The following ERCC6L2 variants were observed in gnomAD, a reference collection of about 807,000 sequenced individuals.
ERCC6L2 encodes the protein DNA excision repair protein ERCC-6-like 2.
Under a neutral mutation model 132.0 loss-of-function variants are expected in ERCC6L2, and 77 were observed. That is an observed-to-expected ratio of 0.58 (90% CI 0.49 to 0.71). ERCC6L2 has a LOEUF of 0.71. Among genes scored for constraint, ERCC6L2 ranks in the 30% least tolerant of loss-of-function variants. The probability of loss-of-function intolerance (pLI) is 0.00; values close to 1 mark genes in which losing one functional copy is unlikely to be tolerated. For synonymous variants in ERCC6L2, 583 were observed against 632.4 expected (o/e 0.92, Z 1.17); for missense variants, 1,542 against 1,837.6 (o/e 0.84, Z 2.94).
chr9:95,937,210 A>T (rs1677809297), intron 11 of ERCC6L2, among the ~76,000 whole-genome samples: 1 of 152,206 alleles, frequency 6.6e-6, no homozygotes, highest in Non-Finnish European at 1.5e-5. Flanking sequence ...CTGTTAACAA[A>T]GTGGCTATAT....
At chr9:96,038,171 GT>G (rs1834541108) in intron 19 of ERCC6L2, among the ~76,000 whole-genome samples, 1 of 152,082 alleles carries the variant, frequency 6.6e-6, no homozygotes, top group African/African-American at 2.4e-5. Flanking sequence ...TTATTATTTT[GT>G]TTTAGCTTTT....
At chr9:95,928,032 A>T (rs1700437083) in intron 9 of ERCC6L2, 47 bp from the exon 10 acceptor site, 3 of 1,271,666 alleles carry the variant, frequency 2.4e-6, no homozygotes, top group Non-Finnish European at 3.4e-6. Flanking sequence ...TATAAAGTGT[A>T]CTTTTAGTTG....
chr9:96,038,358 G>T (rs1240814820), intron 19 of ERCC6L2, among the ~76,000 whole-genome samples: 1 of 152,160 alleles, frequency 6.6e-6, no homozygotes, highest in Non-Finnish European at 1.5e-5. Flanking sequence ...GAAGTATGTG[G>T]GAAGACAGTC....
intron 12 of ERCC6L2, among the ~76,000 whole-genome samples, chr9:95,951,782 A>G (rs1446554496): frequency 6.6e-6 from 1 of 152,188 alleles, no homozygotes; most frequent in Non-Finnish European, 1.5e-5. Context: ...ATAACTGTGT[A>G]AGGAGATTGA....
intron 2 of ERCC6L2, 149 bp downstream of exon 2, chr9:95,881,442 T>A: frequency 1.9e-6 from 1 of 514,626 alleles, no homozygotes; most frequent in Non-Finnish European, 3.2e-6. Context: ...GATAGTGAAG[T>A]CCTCAAAGTT....
intron 3 of ERCC6L2, among the ~76,000 whole-genome samples, chr9:95,903,684 A>AG (rs764925614): frequency 1.5e-4 from 23 of 152,146 alleles, no homozygotes; most frequent in Non-Finnish European, 2.4e-4. Context: ...GAAGCCATAC[A>AG]TGTCAGTGCT....
chr9:96,010,471 T>C (rs1290227555), intron 18 of ERCC6L2, among the ~76,000 whole-genome samples: 4 of 152,210 alleles, frequency 2.6e-5, no homozygotes, highest in Non-Finnish European at 5.9e-5. Context: ...TAGGATAAAA[T>C]TCAAACTTCT....
chr9:95,974,722 T>TTTTGTGTGTG (rs1554756061), intron 16 of ERCC6L2, among the ~76,000 whole-genome samples: 1 of 149,702 alleles, frequency 6.7e-6, no homozygotes, highest in African/African-American at 2.5e-5. Flanking sequence ...GTGGCCAGAT[T>TTTTGTGTGTG]TGTGTGTGTG....
rs1000038914 is a variant in ERCC6L2, at chr9:95,922,314, C to T, written c.1309C>T (p.His437Tyr). Residue 437 changes from histidine (H) to tyrosine (Y), a missense_variant, in exon 8 of 19, where the codon CAT becomes TAT. Transcript: ENST00000653738. The part of the protein sequence containing the change: ...RRNCCYKTNS[H>Y]GETVKTLYLS... Reference sequence around the variant, plus strand: ...ATTTTTCTGGTTACAGACCAATTCTCATGGTGAAACAGTGAAAACCTTGTA... The same window carrying T: ...ATTTTTCTGGTTACAGACCAATTCTTATGGTGAAACAGTGAAAACCTTGTA... 9.4e-6 allele frequency: 15 copies of T among 1,604,036 alleles called. No individual in the cohort carries two copies. Among genetic ancestry groups the T allele is most frequent in the African/African-American group, 2.7e-5 (2 of 74,654 alleles).
rs917680585 is a variant in ERCC6L2 at position 96,012,922 on chromosome 9, C to G, written c.4372C>G (p.Gln1458Glu). The part of the protein sequence containing the change: ...LFKSHGNSPT[Q>E]LPKKVLSGPM... ...TAAAAGTCATGGGAACAGTCCCACACAACTGCCAAAGAAAGTTCTTTCAGG... is the reference window on the plus strand; with the variant it reads ...TAAAAGTCATGGGAACAGTCCCACAGAACTGCCAAAGAAAGTTCTTTCAGG... The change falls in exon 19 of 19, where the codon CAA becomes GAA. Residue 1458 changes from glutamine (Q) to glutamate (E), a missense_variant. Physicochemically the swap from Gln to Glu is conservative, Grantham distance 29 (BLOSUM62 2). Coordinates refer to ENST00000653738, the MANE Select transcript of ERCC6L2 (RefSeq NM_020207.7). The G allele has an allele frequency of 5.9e-6, 8 of 1,367,334 alleles. No individual in the cohort carries two copies. Among genetic ancestry groups the G allele is most frequent in the Admixed American group, 1.9e-5 (1 of 52,548 alleles). The allele number at this position is 1,367,334 out of a possible 1,614,324, so 84.7% of individuals were successfully genotyped here. A position where few individuals can be genotyped will look rare whatever the true frequency, so the allele number is the denominator to read the frequency against.
chr9:95,928,649 C>T, intron 10 of ERCC6L2, 70 bp from the exon 11 acceptor site: 1 of 1,359,154 alleles, frequency 7.4e-7, no homozygotes, highest in South Asian at 1.6e-5. Flanking sequence ...TAACAAGTCT[C>T]AACTTTGTAA....
chr9:96,021,930 G>GCA (rs1834298673), downstream of ERCC6L2, among the ~76,000 whole-genome samples: 1 of 152,088 alleles, frequency 6.6e-6, no homozygotes, highest in Non-Finnish European at 1.5e-5. This position sits in a 1 kb window ranked among gnomAD's most constrained non-coding sequence, Gnocchi z 4.7. Context: ...ATGGAATCAG[G>GCA]GCCCCGGCGC....
downstream of ERCC6L2, chr9:96,020,538 CT>C: frequency 5.7e-6 from 2 of 352,090 alleles, no homozygotes; most frequent in East Asian, 1.5e-4. Context: ...TCAAAGACCC[CT>C]TAGGGCACAG....
chr9:95,989,897 A>G (rs1022064878), intron 17 of ERCC6L2, among the ~76,000 whole-genome samples: 1 of 152,266 alleles, frequency 6.6e-6, no homozygotes, highest in Non-Finnish European at 1.5e-5. Flanking sequence ...GAGTACAGGT[A>G]GGACAGTGTT....
intron 4 of ERCC6L2, among the ~76,000 whole-genome samples, chr9:95,911,199 C>G (rs958671192): frequency 6.6e-6 from 1 of 152,102 alleles, no homozygotes; most frequent in Non-Finnish European, 1.5e-5. Flanking sequence ...CTGGCCAAAC[C>G]TTAGGTTTTT....
intron 12 of ERCC6L2, among the ~76,000 whole-genome samples, chr9:95,948,805 A>G (rs934029491): frequency 9.3e-5 from 14 of 149,894 alleles, no homozygotes; most frequent in African/African-American, 2.4e-4. Flanking sequence ...AAAAAAAAAA[A>G]AAAGAAAAGA....
intron 19 of ERCC6L2, among the ~76,000 whole-genome samples, chr9:96,034,090 C>T (rs1371571300): frequency 1.3e-5 from 2 of 152,266 alleles, no homozygotes; most frequent in African/African-American, 2.4e-5. Context: ...TGCCGCCATT[C>T]TCCCAGGCTG....
At chr9:95,937,232 C>A (rs1300075256) in intron 11 of ERCC6L2, among the ~76,000 whole-genome samples, 5 of 152,158 alleles carry the variant, frequency 3.3e-5, no homozygotes, top group African/African-American at 1.2e-4. Flanking sequence ...GTTTTACATT[C>A]CCCACAGCAG....
At chr9:96,037,938 T>C (rs1334209528) in intron 19 of ERCC6L2, among the ~76,000 whole-genome samples, 3 of 151,554 alleles carry the variant, frequency 2.0e-5, no homozygotes, top group South Asian at 2.1e-4. Context: ...GATTTGGCCA[T>C]GTGGTGGCCC....
Sources: gnomAD v4.1 joint callset for allele counts (sites outside exome capture counted in the v4.1 genomes callset) on GRCh38, gnomAD v4.1.1 for gene constraint, Gnocchi (gnomAD v3.1) non-coding constraint, MANE v1.5 for transcripts, NCBI Gene and HGNC (gene_info 2026-07-23, HGNC 2026-07-21) for gene names.